The following SPINK13 variants were observed in gnomAD, a reference collection of about 807,000 sequenced individuals.
SPINK13 encodes serine protease inhibitor Kazal-type 13.
In SPINK13, 11 loss-of-function variants were observed where a neutral mutation model predicts 11.0. That is an observed-to-expected ratio of 1.00 (90% CI 0.63 to 1.65). The LOEUF (loss-of-function observed/expected upper bound fraction) is 1.65. Ranked by LOEUF, SPINK13 falls within the 40% of genes most tolerant of loss-of-function variation. The pLI, the probability that SPINK13 is intolerant of heterozygous loss-of-function variation, is 0.00. For missense variants in SPINK13, 113 were observed against 117.7 expected, an observed-to-expected ratio of 0.96 and a Z score of 0.19; for synonymous variants, 31 against 35.6, an observed-to-expected ratio of 0.87 and a Z score of 0.46.
At position 148,280,198 on chromosome 5, in the gene SPINK13, G is replaced by C. The variant is rs544113535; in HGVS notation, c.109-1906G>C. Reference sequence around the variant, plus strand: ...AGCAGTTCCTGTAACCTTTTATCAAGGTTCTTAGCTTTCTTGCTTTGGGTT... The same window carrying C: ...AGCAGTTCCTGTAACCTTTTATCAACGTTCTTAGCTTTCTTGCTTTGGGTT... On this transcript the variant is annotated intron_variant, in intron 3 of 4. Coordinates refer to ENST00000398450, the MANE Select transcript of SPINK13 (RefSeq NM_001040129.3). Among the ~76,000 whole-genome samples, 20 of 152,158 alleles carry C rather than the reference G, an allele frequency of 1.3e-4. No homozygotes were observed. In the East Asian group the frequency reaches 2.7e-3, roughly 21 times the overall value.
rs530082543 is a variant in SPINK13, at chr5:148,285,577, C to T, written c.237-423C>T. ...GCTAGTCTTTTGTGAAACATAAATA[C>T]CCAAGTAAGGGGAATAGACTACAAT... On this transcript the variant is annotated intron_variant, in intron 4 of 4. Coordinates refer to ENST00000398450, the MANE Select transcript of SPINK13 (RefSeq NM_001040129.3). Among the ~76,000 whole-genome samples the T allele has an allele frequency of 1.2e-4, 19 of 152,002 alleles. No individual in the cohort carries two copies. In the South Asian group the frequency reaches 4.0e-3, roughly 32 times the overall value.
At chr5:148,275,775 C>G (rs1415568011) in intron 3 of SPINK13, among the ~76,000 whole-genome samples, 1 of 152,026 alleles carries the variant, frequency 6.6e-6, no homozygotes, top group Non-Finnish European at 1.5e-5. Context: ...ATTCTCCTGC[C>G]TCAGCCTCCC....
At chr5:148,285,225 T>G (rs1030233637) in intron 4 of SPINK13, among the ~76,000 whole-genome samples, 1 of 152,180 alleles carries the variant, frequency 6.6e-6, no homozygotes, top group Non-Finnish European at 1.5e-5. Context: ...TCACATCACT[T>G]ACTTATATTA....
At chr5:148,272,566 A>G (rs1221828755) in intron 2 of SPINK13, among the ~76,000 whole-genome samples, 1 of 152,094 alleles carries the variant, frequency 6.6e-6, no homozygotes, top group African/African-American at 2.4e-5. Flanking sequence ...TTAGATGCCT[A>G]TATTTCTGGA....
At position 148,282,157 on chromosome 5, in the gene SPINK13, C is replaced by T; in HGVS notation, c.162C>T (p.Pro54=). 4 of 1,614,166 alleles carry T rather than the reference C, an allele frequency of 2.5e-6. No individual in the cohort carries two copies. In the South Asian group the frequency reaches 4.4e-5, roughly 18 times the overall value. The change falls in exon 4 of 5, where the codon CCC becomes CCT. Residue 54 remains proline, a synonymous_variant. Coordinates refer to ENST00000398450, the MANE Select transcript of SPINK13 (RefSeq NM_001040129.3). ...PLDPDYNADC[P]NVTAPVCASN... is the part of the protein sequence containing the mutation. ...ACCCTGATTACAATGCAGACTGCCC[C>T]AATGTGACAGCACCTGTTTGTGCCT...
At chr5:148,282,910 T>G (rs1756539172) in intron 4 of SPINK13, among the ~76,000 whole-genome samples, 2 of 152,206 alleles carry the variant, frequency 1.3e-5, no homozygotes, top group Admixed American at 1.3e-4. Flanking sequence ...TCTTCTCTGT[T>G]GAGGTTCCCC....
chr5:148,282,499 T>A (rs1272524893), intron 4 of SPINK13, among the ~76,000 whole-genome samples: 6 of 152,136 alleles, frequency 3.9e-5, no homozygotes, highest in Non-Finnish European at 7.4e-5. Context: ...TTGTAGGTAA[T>A]CTGTAGATTA....
chr5:148,280,461 C>A (rs891825706), intron 3 of SPINK13, among the ~76,000 whole-genome samples: 1 of 152,042 alleles, frequency 6.6e-6, no homozygotes, highest in Admixed American at 6.6e-5. Context: ...ACCTTCAGAT[C>A]GAGTTTTTGC....
intron 4 of SPINK13, among the ~76,000 whole-genome samples, chr5:148,284,317 TCCTC>T: frequency 6.6e-6 from 1 of 151,692 alleles, no homozygotes; most frequent in Admixed American, 6.6e-5. Flanking sequence ...CTTCCTTCCT[TCCTC>T]CCTCTCTCCC....
At chr5:148,272,539 G>A (rs1168707038) in intron 2 of SPINK13, among the ~76,000 whole-genome samples, 3 of 152,022 alleles carry the variant, frequency 2.0e-5, no homozygotes, top group Non-Finnish European at 4.4e-5. Flanking sequence ...CCATAGAAGT[G>A]TATATTTTTG....
chr5:148,281,068 G>C lies in SPINK13; in HGVS notation c.109-1036G>C, dbSNP rs140214084. Among the ~76,000 whole-genome samples, 1,037 of 152,276 alleles carry C rather than the reference G, an allele frequency of 6.8e-3. 14 individuals carry two copies. The highest frequency in any genetic ancestry group is 0.02 in the African/African-American group (811 of 41,546). On this transcript the variant is annotated intron_variant, in intron 3 of 4. Transcript: ENST00000398450. ...TCCACCCAGTCGGAACTTCCCAGTG[G>C]CTTTGTTTACACTGTGAGGGGAAAA... is the stretch of plus-strand genomic sequence containing the variant.
Position 148,283,312 on chromosome 5 carries a change from C to G in SPINK13, c.236+1081C>G, listed in dbSNP as rs140417352. On this transcript the variant is annotated intron_variant, in intron 4 of 4. Transcript: ENST00000398450. ...AACTGATATGGAGTGCTCCAGGACC[C>G]TAGGTAAACAACAACAGGTGTTCAT... 4.5e-3 allele frequency among the ~76,000 whole-genome samples: 686 copies of G among 152,274 alleles called. 4 individuals carry two copies. Among genetic ancestry groups the G allele is most frequent in the African/African-American group, 0.016 (645 of 41,548 alleles).
intron 4 of SPINK13, among the ~76,000 whole-genome samples, chr5:148,283,373 A>G (rs1756545539): frequency 6.6e-6 from 1 of 152,194 alleles, no homozygotes; most frequent in Non-Finnish European, 1.5e-5. Context: ...TCTTTGGCAG[A>G]CCCAGGTCCT....
At chr5:148,280,271 G>A (rs527728080) in intron 3 of SPINK13, among the ~76,000 whole-genome samples, 1 of 152,200 alleles carries the variant, frequency 6.6e-6, no homozygotes, top group South Asian at 2.1e-4. Flanking sequence ...CCCACCTTCT[G>A]AAGCCTACTT....
intron 2 of SPINK13, among the ~76,000 whole-genome samples, chr5:148,272,534 G>A (rs547813576): frequency 3.3e-5 from 5 of 152,034 alleles, no homozygotes; most frequent in Non-Finnish European, 7.4e-5. Flanking sequence ...CTTGTCCATA[G>A]AAGTGTATAT....
chr5:148,277,046 TG>T (rs1443723750), intron 3 of SPINK13, among the ~76,000 whole-genome samples: 1 of 152,202 alleles, frequency 6.6e-6, no homozygotes, highest in Non-Finnish European at 1.5e-5. Flanking sequence ...CAATTGTGAA[TG>T]GGAGTTCACT....
At chr5:148,282,449 G>A (rs914465915) in intron 4 of SPINK13, among the ~76,000 whole-genome samples, 2 of 152,048 alleles carry the variant, frequency 1.3e-5, no homozygotes, top group South Asian at 2.1e-4. Context: ...AAGAAAAAAG[G>A]CTTACATAAT....
intron 3 of SPINK13, among the ~76,000 whole-genome samples, chr5:148,275,772 T>G (rs1048582376): frequency 1.3e-5 from 2 of 152,004 alleles, no homozygotes; most frequent in Non-Finnish European, 1.5e-5. Flanking sequence ...ACCATTCTCC[T>G]GCCTCAGCCT....
At chr5:148,270,245 A>C (rs919408017) in intron 2 of SPINK13, 103 bp downstream of exon 2, 1 of 1,247,592 alleles carries the variant, frequency 8.0e-7, no homozygotes, top group Non-Finnish European at 1.2e-6. Flanking sequence ...TTTTGCTGAA[A>C]TGTAAGCCAG....
Sources: allele counts gnomAD v4.1 joint callset (sites outside exome capture counted in the v4.1 genomes callset), GRCh38; gene constraint gnomAD v4.1.1; transcripts MANE v1.5; gene names NCBI Gene and HGNC (gene_info 2026-07-23, HGNC 2026-07-21).